PREPL: variants seen among roughly 807,000 people sequenced by gnomAD.
PREPL encodes the protein prolyl endopeptidase like.
In PREPL, 77 loss-of-function variants were observed where a neutral mutation model predicts 70.6. The observed-to-expected ratio is 1.09, with a 90% CI of 0.91 to 1.32. PREPL has a LOEUF of 1.32. PREPL is among the 40% of genes most tolerant of loss of function. PREPL has a pLI of 0.00. For synonymous variants in PREPL, 315 were observed against 264.8 expected (o/e 1.19, Z -1.84); for missense variants, 1,002 against 778.2 (o/e 1.29, Z -3.42).
At chr2:44,351,319 G>A (rs1296047503) in intron 1 of PREPL, among the ~76,000 whole-genome samples, 1 of 151,960 alleles carries the variant, frequency 6.6e-6, no homozygotes, top group Middle Eastern at 3.2e-3. Context: ...TTCCCTTGGT[G>A]ATCTCATCCA....
rs990735822 is a variant in PREPL, at chr2:44,320,162, A to C, written c.*1194T>G. Reference sequence around the variant, plus strand: ...AAAATACTTACAAACAATTCTTAGAATCAAACACTTACGTAAATACTTTTT... The same window carrying C: ...AAAATACTTACAAACAATTCTTAGACTCAAACACTTACGTAAATACTTTTT... On this transcript the variant is annotated 3_prime_UTR_variant, in exon 14 of 14. Coordinates refer to ENST00000409411, the MANE Select transcript of PREPL (RefSeq NM_001171613.2). The C allele has an allele frequency of 3.3e-6, 5 of 1,516,018 alleles. No individual in the cohort carries two copies. The highest frequency in any genetic ancestry group is 2.0e-4 in the Middle Eastern group (1 of 5,128). 93.9% of individuals were successfully genotyped at this position (1,516,018 alleles called of 1,614,324 possible). A position where few individuals can be genotyped will look rare whatever the true frequency, so the allele number is the denominator to read the frequency against.
rs751245250 is a variant in PREPL at position 44,338,356 on chromosome 2, G to C, written c.883C>G (p.Leu295Val). 1 of 1,609,894 alleles carries C rather than the reference G, an allele frequency of 6.2e-7. No individual in the cohort carries two copies. The highest frequency in any genetic ancestry group is 8.5e-7 in the Non-Finnish European group (1 of 1,178,912). The change falls in exon 7 of 14, where the codon CTA (leucine) becomes GTA (valine). Residue 295 changes from leucine to valine, a missense_variant. By Grantham distance (32) the Leu-to-Val change is conservative. Coordinates refer to ENST00000409411, the MANE Select transcript of PREPL (RefSeq NM_001171613.2). The stretch of plus-strand genomic sequence containing the variant: ...CTTCTGAAAATTAAACATACCTTTA[G>C]AGACCGAACTGAATCATCAGCCAGA... ...IGLADDSVRS[L>V]KLPPWACGFI... is the part of the protein sequence containing the mutation.
intron 8 of PREPL, among the ~76,000 whole-genome samples, chr2:44,329,411 T>C (rs748123310): frequency 1.9e-4 from 29 of 152,348 alleles, no homozygotes; most frequent in Middle Eastern, 3.4e-3. Flanking sequence ...CTTCACTACC[T>C]ACTATAATTT....
At chr2:44,326,187 G>A (rs1311416416) in intron 10 of PREPL, among the ~76,000 whole-genome samples, 1 of 152,130 alleles carries the variant, frequency 6.6e-6, no homozygotes. Context: ...ATGAGCAATG[G>A]AAATAGCCAT....
chr2:44,321,550 C>T (rs1259144084), intron 13 of PREPL, 105 bp from the exon 14 acceptor site: 13 of 1,510,016 alleles, frequency 8.6e-6, no homozygotes, highest in Non-Finnish European at 1.2e-5. Context: ...GTGAAGTCAG[C>T]AATTTATGGC....
At position 44,317,947 on chromosome 2, in the gene PREPL, G is replaced by C. The variant is rs1247124587; in HGVS notation, c.*3409C>G. 3.8e-6 allele frequency: 1 copy of C among 261,436 alleles called. No homozygotes were observed. The highest frequency in any genetic ancestry group is 2.4e-5 in the African/African-American group (1 of 42,178). The allele number at this position is 261,436 out of a possible 1,614,324, so 16.2% of individuals were successfully genotyped here. On this transcript the variant is annotated 3_prime_UTR_variant, in exon 14 of 14. Transcript: ENST00000409411. Reference sequence around the variant, plus strand: ...ATAAAACACAAAGAATTAAAATGAAGATATAGCAAGCAAATAATAGAAAGC... The same window carrying C: ...ATAAAACACAAAGAATTAAAATGAACATATAGCAAGCAAATAATAGAAAGC...
chr2:44,356,450 CAGG>C (rs1256228872), intron 1 of PREPL: 3 of 152,360 alleles, frequency 2.0e-5, no homozygotes, highest in Admixed American at 6.5e-5. Context: ...GCAGCTGAGG[CAGG>C]AGAATTGCCT....
At chr2:44,328,113 C>G (rs1165657015) in intron 9 of PREPL, among the ~76,000 whole-genome samples, 1 of 151,732 alleles carries the variant, frequency 6.6e-6, no homozygotes, top group Non-Finnish European at 1.5e-5. Flanking sequence ...TGGTGAAACC[C>G]CATCGCTACA....
intron 1 of PREPL, among the ~76,000 whole-genome samples, chr2:44,355,751 T>TTATATATATATATATATATATATA (rs112927329): frequency 7.1e-6 from 1 of 141,362 alleles, no homozygotes; most frequent in African/African-American, 2.7e-5. Context: ...AAACTACATA[T>TTATATATATATATATATATATATA]TATATATATA....
chr2:44,346,836 TGGAAGAC>T (rs1675881905), intron 1 of PREPL, among the ~76,000 whole-genome samples: 1 of 151,974 alleles, frequency 6.6e-6, no homozygotes, highest in African/African-American at 2.4e-5. Context: ...ATCAAAGAAG[TGGAAGAC>T]ATTATCACTA....
chr2:44,342,553 C>G lies in PREPL; in HGVS notation c.350-1G>C. On this transcript the variant is annotated splice_acceptor_variant, in intron 4 of 13. Coordinates refer to ENST00000409411, the MANE Select transcript of PREPL (RefSeq NM_001171613.2). LOFTEE classifies it high-confidence loss of function. ...TCATCTTCCTCGTCCTTTACCCATT[C>G]TGAAAGAAAATAATGAGATAATTAT... 1 of 1,493,998 alleles carries G rather than the reference C, an allele frequency of 6.7e-7. No individual in the cohort carries two copies. Among genetic ancestry groups the G allele is most frequent in the Non-Finnish European group, 9.0e-7 (1 of 1,106,274 alleles). The allele number at this position is 1,493,998 out of a possible 1,614,324, so 92.5% of individuals were successfully genotyped here.
chr2:44,353,019 G>A (rs939293363), intron 1 of PREPL, among the ~76,000 whole-genome samples: 4 of 152,176 alleles, frequency 2.6e-5, no homozygotes, highest in Admixed American at 2.6e-4. Flanking sequence ...AGCTGAGACA[G>A]GAGGATTGCT....
In PREPL at chr2:44,338,508, G is replaced by T; in HGVS notation, c.731C>A (p.Ala244Glu). The T allele has an allele frequency of 6.2e-7, 1 of 1,611,946 alleles. No homozygotes were observed. Among genetic ancestry groups the T allele is most frequent in the African/African-American group, 1.3e-5 (1 of 74,932 alleles). Residue 244 changes from alanine (A) to glutamate (E), a missense_variant, in exon 7 of 14, where the codon GCA becomes GAA. Physicochemically the swap from Ala to Glu is moderately radical, Grantham distance 107 (BLOSUM62 -1). Transcript: ENST00000409411. ...AAAAAATAAATCCCAATTCATAATT[G>T]CAGGGGTATCAGCCGCTGTTCTCAT... is the stretch of plus-strand genomic sequence containing the variant. ...KLMRTAADTP[A>E]IMNWDLFFTM...
intron 1 of PREPL, among the ~76,000 whole-genome samples, chr2:44,348,378 C>T (rs181266597): frequency 5.9e-5 from 9 of 152,294 alleles, no homozygotes; most frequent in Admixed American, 2.0e-4. Flanking sequence ...AAAATCTATT[C>T]TGAAACTGTA....
chr2:44,361,827 G>C (rs550627757), upstream of PREPL: 7 of 1,198,556 alleles, frequency 5.8e-6, no homozygotes, highest in Non-Finnish European at 7.5e-6. Flanking sequence ...GTGACAGCTC[G>C]GCCCTGGTTG....
In PREPL at chr2:44,320,847, A is replaced by G. The variant is rs1672881150; in HGVS notation, c.*509T>C. The G allele has an allele frequency of 3.4e-6, 2 of 581,650 alleles. No homozygotes were observed. The highest frequency in any genetic ancestry group is 3.7e-5 in the African/African-American group (2 of 53,562). 36.0% of individuals were successfully genotyped at this position (581,650 alleles called of 1,614,324 possible). ...AAATTATGGCTTATAGGAGCTTATA[A>G]CTTTATTCAGATAGCATCAATCAGG... On this transcript the variant is annotated 3_prime_UTR_variant, in exon 14 of 14. Coordinates refer to ENST00000409411, the MANE Select transcript of PREPL (RefSeq NM_001171613.2).
intron 10 of PREPL, among the ~76,000 whole-genome samples, chr2:44,325,868 A>C (rs549815850): frequency 2.0e-5 from 3 of 152,224 alleles, no homozygotes; most frequent in Admixed American, 6.5e-5. Flanking sequence ...AGTGAAACCA[A>C]CTGCTACAAT....
rs770897811 is a variant in PREPL, at chr2:44,321,856, T to G, written c.1798A>C (p.Asn600His). ...NIILDIQPGG[N>H]HVIEDSHKKI... ...TTGTGAGAATCCTCAATTACATGAT[T>G]GCCTCCAGGCTGAATATCTAGAATA... Residue 600 changes from asparagine to histidine, a missense_variant, in exon 13 of 14, where the codon AAT (asparagine) becomes CAT (histidine). By Grantham distance (68) the Asn-to-His change is moderately conservative (BLOSUM62 1). Transcript: ENST00000409411. 3 of 1,613,764 alleles carry G rather than the reference T, an allele frequency of 1.9e-6. No individual in the cohort carries two copies. The East Asian group carries it at 6.7e-5, about 36-fold the overall frequency.
chr2:44,352,805 G>A (rs559607840), intron 1 of PREPL, among the ~76,000 whole-genome samples: 1 of 152,164 alleles, frequency 6.6e-6, no homozygotes, highest in East Asian at 1.9e-4. Flanking sequence ...AACAAATATG[G>A]AGAAGATATC....
Sources: gnomAD v4.1 joint callset for allele counts (sites outside exome capture counted in the v4.1 genomes callset) on GRCh38, gnomAD v4.1.1 for gene constraint, MANE v1.5 for transcripts, NCBI Gene and HGNC (gene_info 2026-07-23, HGNC 2026-07-21) for gene names.